LNPK: variants seen among roughly 807,000 people sequenced by gnomAD.
The protein encoded by LNPK is lunapark, ER junction formation factor.
LNPK carries 29 observed loss-of-function variants against 55.2 expected under a neutral mutation model. That is an observed-to-expected ratio of 0.53 (90% CI 0.39 to 0.72). The LOEUF is 0.72. LNPK is among the 30% of genes least tolerant of loss of function. The pLI is 0.00. For synonymous variants in LNPK, 162 were observed against 168.2 expected (o/e 0.96, Z 0.29); for missense variants, 467 against 494.8 (o/e 0.94, Z 0.53).
At chr2:175,941,124 A>C (rs1684818211) in intron 9 of LNPK, 2 of 367,712 alleles carry the variant, frequency 5.4e-6, no homozygotes, top group Admixed American at 6.9e-5. Flanking sequence ...AGTGACATGC[A>C]CCTGTAGTCC....
chr2:175,944,625 G>C lies in LNPK; in HGVS notation c.706+2855C>G, dbSNP rs572330540. Among the ~76,000 whole-genome samples, 22 of 152,212 alleles carry C rather than the reference G, an allele frequency of 1.4e-4. No individual in the cohort carries two copies. The South Asian group carries it at 4.6e-3, about 32-fold the overall frequency. On this transcript the variant is annotated intron_variant, in intron 9 of 12. Transcript: ENST00000272748. The stretch of plus-strand genomic sequence containing the variant: ...GGGCAGCAATGGAGGTTTACATGGA[G>C]ACTTCATAGAAGACTCTGAAACAAA...
intron 12 of LNPK, among the ~76,000 whole-genome samples, chr2:175,931,494 A>G (rs1055027550): frequency 6.6e-6 from 1 of 152,222 alleles, no homozygotes; most frequent in African/African-American, 2.4e-5. Context: ...TTCTTTAAAG[A>G]GATACCTTGG....
At chr2:175,999,364 T>C (rs890727211) in intron 1 of LNPK, among the ~76,000 whole-genome samples, 2 of 152,216 alleles carry the variant, frequency 1.3e-5, no homozygotes, top group African/African-American at 4.8e-5. Flanking sequence ...TTAACCTATC[T>C]GCTACTCAAT....
At chr2:175,961,904 C>T (rs1559049393) in intron 8 of LNPK, among the ~76,000 whole-genome samples, 1 of 152,088 alleles carries the variant, frequency 6.6e-6, no homozygotes, top group Non-Finnish European at 1.5e-5. Flanking sequence ...TCTTATACAC[C>T]ATTAACAGAC....
Position 175,926,498 on chromosome 2 carries a change from TTCA to T in LNPK, c.*3466_*3468del, listed in dbSNP as rs1307346217. 6.6e-6 allele frequency: 1 copy of T among 152,260 alleles called. No individual in the cohort carries two copies. Among genetic ancestry groups the T allele is most frequent in the Non-Finnish European group, 1.5e-5 (1 of 68,076 alleles). The allele number at this position is 152,260 out of a possible 1,614,324, so 9.4% of individuals were successfully genotyped here. On this transcript the variant is annotated 3_prime_UTR_variant, in exon 13 of 13. Coordinates refer to ENST00000272748, the MANE Select transcript of LNPK (RefSeq NM_030650.3). The stretch of plus-strand genomic sequence containing the variant: ...GAACTGTGAGCCAAATAAATTTTTG[TTCA>T]TCACGTTACCCAGTCTGTGGTATTC...
intron 1 of LNPK, among the ~76,000 whole-genome samples, chr2:176,001,657 A>G (rs762884459): frequency 6.6e-6 from 1 of 152,158 alleles, no homozygotes; most frequent in African/African-American, 2.4e-5. Flanking sequence ...TGACACTGAC[A>G]GTTTTCAGTC....
intron 5 of LNPK, among the ~76,000 whole-genome samples, chr2:175,972,548 C>T (rs1686709017): frequency 5.3e-5 from 8 of 151,982 alleles, no homozygotes; most frequent in Admixed American, 5.2e-4. Flanking sequence ...ATAAGTCTAC[C>T]AGGGAAAAGA....
At chr2:175,960,855 C>G (rs1288581143) in intron 8 of LNPK, among the ~76,000 whole-genome samples, 3 of 151,994 alleles carry the variant, frequency 2.0e-5, no homozygotes, top group Admixed American at 2.0e-4. Flanking sequence ...CAAATAGACA[C>G]AATAAAAAAT....
In LNPK at chr2:175,929,745, C is replaced by T; in HGVS notation, c.*222G>A. ...TAAAAGCTGTCTCAATAGTGTGGGT[C>T]TTTGTACATTCAAAAGGATCTTACT... On this transcript the variant is annotated 3_prime_UTR_variant, in exon 13 of 13. Coordinates refer to ENST00000272748, the MANE Select transcript of LNPK (RefSeq NM_030650.3). 2 of 1,392,944 alleles carry T rather than the reference C, an allele frequency of 1.4e-6. No individual in the cohort carries two copies. The highest frequency in any genetic ancestry group is 3.5e-5 in the South Asian group (2 of 57,848). The allele number at this position is 1,392,944 out of a possible 1,614,324, so 86.3% of individuals were successfully genotyped here.
intron 2 of LNPK, 21 bp from the exon 3 acceptor site, chr2:175,993,244 A>G: frequency 6.7e-7 from 1 of 1,487,332 alleles, no homozygotes; most frequent in South Asian, 1.3e-5. Flanking sequence ...AACAGAAACA[A>G]GAGACAGCAT....
chr2:175,943,919 T>G (rs2105551701), intron 9 of LNPK, among the ~76,000 whole-genome samples: 1 of 152,188 alleles, frequency 6.6e-6, no homozygotes, highest in South Asian at 2.1e-4. Flanking sequence ...GTACTGAAGG[T>G]TATAGCTCAT....
At chr2:175,988,028 T>C (rs1172918684) in intron 4 of LNPK, among the ~76,000 whole-genome samples, 1 of 152,214 alleles carries the variant, frequency 6.6e-6, no homozygotes, top group Non-Finnish European at 1.5e-5. Flanking sequence ...TTCCTTACTT[T>C]GGGTAAAGAA....
chr2:175,984,045 G>A (rs1031873764), intron 4 of LNPK, among the ~76,000 whole-genome samples: 1 of 151,798 alleles, frequency 6.6e-6, no homozygotes, highest in African/African-American at 2.4e-5. Context: ...TTAATAAAGG[G>A]AAAAACTGAT....
Position 175,965,762 on chromosome 2 carries a change from T to C in LNPK, c.358-1173A>G, listed in dbSNP as rs143631416. ...CTCAAAATAAACAAGTTGACTTTTC[T>C]GATGTAAAGGAGATGTTTATAGTAT... On this transcript the variant is annotated intron_variant, in intron 6 of 12. Coordinates refer to ENST00000272748, the MANE Select transcript of LNPK (RefSeq NM_030650.3). Among the ~76,000 whole-genome samples, 159 of 151,782 alleles carry C rather than the reference T, an allele frequency of 1.0e-3. 1 individual carries two copies. The highest frequency in any genetic ancestry group is 3.4e-3 in the African/African-American group (142 of 41,322).
chr2:175,959,288 C>G (rs1685879997), intron 8 of LNPK, among the ~76,000 whole-genome samples: 1 of 152,040 alleles, frequency 6.6e-6, no homozygotes, highest in South Asian at 2.1e-4. Flanking sequence ...GGTTGAAATG[C>G]AGGAAAAAAT....
At chr2:175,963,147 C>T (rs1293927902) in intron 8 of LNPK, among the ~76,000 whole-genome samples, 5 of 148,344 alleles carry the variant, frequency 3.4e-5, no homozygotes, top group African/African-American at 7.5e-5. Context: ...GTCAGTGTGG[C>T]GATTCCTCAG....
chr2:175,948,414 T>A (rs979414444), intron 8 of LNPK, among the ~76,000 whole-genome samples: 11 of 152,256 alleles, frequency 7.2e-5, no homozygotes, highest in African/African-American at 2.4e-4. Context: ...GTTTACAGAT[T>A]GTCTATGGCT....
At chr2:175,947,812 T>G in intron 8 of LNPK, 120 bp from the exon 9 acceptor site, 2 of 569,014 alleles carry the variant, frequency 3.5e-6, no homozygotes, top group East Asian at 5.7e-5. Context: ...TCAAAATTAC[T>G]TATAATAATA....
chr2:175,952,795 A>G (rs1366429640), intron 8 of LNPK, among the ~76,000 whole-genome samples: 1 of 152,104 alleles, frequency 6.6e-6, no homozygotes, highest in East Asian at 1.9e-4. Flanking sequence ...CACCACTGAA[A>G]GTATCACTGC....
Sources: gnomAD v4.1 joint callset for allele counts (sites outside exome capture counted in the v4.1 genomes callset) on GRCh38, gnomAD v4.1.1 for gene constraint, MANE v1.5 for transcripts, NCBI Gene and HGNC (gene_info 2026-07-23, HGNC 2026-07-21) for gene names.